DIAPH3: variants seen among roughly 807,000 people sequenced by gnomAD.
DIAPH3 encodes the protein protein diaphanous homolog 3.
In DIAPH3, 117 loss-of-function variants were observed where a neutral mutation model predicts 144.3. The ratio of observed to expected loss-of-function variants is 0.81; its 90% confidence interval spans 0.70 to 0.95. DIAPH3 has a LOEUF of 0.95. DIAPH3 is among the 40% of genes least tolerant of loss of function. The probability of loss-of-function intolerance (pLI) is 0.00; values close to 1 mark genes in which losing one functional copy is unlikely to be tolerated. For missense variants in DIAPH3, 1,421 were observed against 1,412.7 expected (o/e 1.01, Z -0.09); for synonymous variants, 519 against 488.9 (o/e 1.06, Z -0.81).
At chr13:59,989,372 ATTTTTAAGAATT>A (rs2051656543) in intron 12 of DIAPH3, among the ~76,000 whole-genome samples, 1 of 150,680 alleles carries the variant, frequency 6.6e-6, no homozygotes, top group Non-Finnish European at 1.5e-5. Context: ...TTTAAGAAAT[ATTTTTAAGAATT>A]TTTTTAAGAA....
At chr13:60,127,689 G>A (rs1453381892) in intron 2 of DIAPH3, among the ~76,000 whole-genome samples, 1 of 152,230 alleles carries the variant, frequency 6.6e-6, no homozygotes, top group East Asian at 1.9e-4. Flanking sequence ...CTGAACTATA[G>A]TTCAGAATGC....
rs2031985714 is a variant in DIAPH3, at chr13:59,665,948, T to C, written c.*636A>G. ...GCAAAGAGAGTGCATACATTCTTAT[T>C]GCATCATTTTTCGTTATGTGCTCAA... is the stretch of plus-strand genomic sequence containing the variant. On this transcript the variant is annotated 3_prime_UTR_variant, in exon 28 of 28. Coordinates refer to ENST00000400324, the MANE Select transcript of DIAPH3 (RefSeq NM_001042517.2). 1 of 152,278 alleles carries C rather than the reference T, an allele frequency of 6.6e-6. No homozygotes were observed. Among genetic ancestry groups the C allele is most frequent in the Admixed American group, 6.5e-5 (1 of 15,286 alleles). The allele number at this position is 152,278 out of a possible 1,614,324, so 9.4% of individuals were successfully genotyped here.
intron 5 of DIAPH3, among the ~76,000 whole-genome samples, chr13:60,040,853 A>G (rs920082542): frequency 2.6e-5 from 4 of 151,964 alleles, no homozygotes; most frequent in African/African-American, 4.8e-5. Context: ...TCGCTCTCGC[A>G]CTCAAGCTGG....
chr13:60,093,360 C>G (rs1366572326), intron 4 of DIAPH3, among the ~76,000 whole-genome samples: 1 of 152,146 alleles, frequency 6.6e-6, no homozygotes, highest in Non-Finnish European at 1.5e-5. Flanking sequence ...TATATTAATT[C>G]ACTAACAAGG....
intron 2 of DIAPH3, among the ~76,000 whole-genome samples, chr13:60,130,206 G>T (rs1369138011): frequency 2.0e-5 from 3 of 152,134 alleles, no homozygotes; most frequent in African/African-American, 7.2e-5. Flanking sequence ...GAATAAGAAA[G>T]AATTTACTCT....
chr13:60,150,550 C>T (rs1951733527), intron 1 of DIAPH3, among the ~76,000 whole-genome samples: 1 of 152,114 alleles, frequency 6.6e-6, no homozygotes, highest in Non-Finnish European at 1.5e-5. Flanking sequence ...TTTCAAAGTA[C>T]TGTGTGAGGG....
chr13:60,082,288 G>A (rs888009978), intron 4 of DIAPH3, among the ~76,000 whole-genome samples: 5 of 149,662 alleles, frequency 3.3e-5, no homozygotes, highest in African/African-American at 1.2e-4. Flanking sequence ...AAGATAAAAA[G>A]CATTTGGGAG....
intron 5 of DIAPH3, among the ~76,000 whole-genome samples, chr13:60,028,586 G>A (rs925690492): frequency 1.4e-4 from 21 of 151,966 alleles, no homozygotes; most frequent in African/African-American, 3.6e-4. Context: ...TGTTCTGACC[G>A]CTCACCTGTA....
chr13:59,771,251 T>C (rs909173703), intron 27 of DIAPH3, among the ~76,000 whole-genome samples: 15 of 152,072 alleles, frequency 9.9e-5, no homozygotes, highest in African/African-American at 3.4e-4. Flanking sequence ...GCAAAAGATA[T>C]ACAGACAATA....
chr13:59,994,239 A>C (rs2052041847), intron 9 of DIAPH3, among the ~76,000 whole-genome samples: 1 of 151,934 alleles, frequency 6.6e-6, no homozygotes, highest in Non-Finnish European at 1.5e-5. Context: ...CAATCTATTT[A>C]ATTTAAATCA....
Position 60,084,592 on chromosome 13 carries a change from T to C in DIAPH3, c.495+9036A>G, listed in dbSNP as rs137914767. 4.0e-3 allele frequency among the ~76,000 whole-genome samples: 601 copies of C among 151,824 alleles called. 3 individuals carry two copies. Among genetic ancestry groups the C allele is most frequent in the African/African-American group, 0.014 (574 of 41,406 alleles). On this transcript the variant is annotated intron_variant, in intron 4 of 27. Transcript: ENST00000400324. ...AACTCACCAAAGTAGCACAAAGCAGTTTCCCAAGGAAAAAAAAAATCCACA... is the reference window on the plus strand; with the variant it reads ...AACTCACCAAAGTAGCACAAAGCAGCTTCCCAAGGAAAAAAAAAATCCACA...
chr13:60,091,696 G>T (rs2057939365), intron 4 of DIAPH3, among the ~76,000 whole-genome samples: 1 of 151,776 alleles, frequency 6.6e-6, no homozygotes, highest in Non-Finnish European at 1.5e-5. Context: ...TTTAAATTAT[G>T]GTATAATGAT....
intron 4 of DIAPH3, among the ~76,000 whole-genome samples, chr13:60,069,025 T>C (rs1018866034): frequency 6.6e-6 from 1 of 152,146 alleles, no homozygotes; most frequent in Non-Finnish European, 1.5e-5. Flanking sequence ...CTGGACTGAA[T>C]GGTGGTTGTT....
chr13:60,007,038 C>T (rs1052717911), intron 9 of DIAPH3, among the ~76,000 whole-genome samples: 1 of 152,026 alleles, frequency 6.6e-6, no homozygotes, highest in Non-Finnish European at 1.5e-5. Flanking sequence ...AGTTTCACAG[C>T]TCCTATCATA....
intron 1 of DIAPH3, among the ~76,000 whole-genome samples, chr13:60,146,157 G>A (rs184831413): frequency 2.2e-4 from 34 of 152,248 alleles, no homozygotes; most frequent in Non-Finnish European, 4.6e-4. Flanking sequence ...GTTTTTACAT[G>A]CAGTTCCAGT....
At chr13:59,865,894 C>T (rs901567416) in intron 21 of DIAPH3, among the ~76,000 whole-genome samples, 27 of 152,010 alleles carry the variant, frequency 1.8e-4, no homozygotes, top group Admixed American at 3.3e-4. Context: ...AGTCAAGGAA[C>T]TGGAATCCCT....
chr13:59,899,283 A>T (rs559466445), intron 20 of DIAPH3, among the ~76,000 whole-genome samples: 1 of 152,086 alleles, frequency 6.6e-6, no homozygotes, highest in African/African-American at 2.4e-5. Context: ...TCATATATAC[A>T]TCTATCCTAT....
intron 27 of DIAPH3, among the ~76,000 whole-genome samples, chr13:59,749,430 G>C (rs1249538817): frequency 1.4e-5 from 2 of 142,478 alleles, no homozygotes; most frequent in East Asian, 4.3e-4. Context: ...TGAGGCAGGA[G>C]AATGGCCTGA....
intron 24 of DIAPH3, 40 bp downstream of exon 24, chr13:59,833,067 A>G: frequency 6.7e-7 from 1 of 1,488,250 alleles, no homozygotes; most frequent in Non-Finnish European, 9.2e-7. Flanking sequence ...AAGATAGTAT[A>G]AATAAAAAAA....
Sources: allele counts gnomAD v4.1 joint callset (sites outside exome capture counted in the v4.1 genomes callset), GRCh38; gene constraint gnomAD v4.1.1; transcripts MANE v1.5; gene names NCBI Gene and HGNC (gene_info 2026-07-23, HGNC 2026-07-21).